The following HTR4 variants were observed in gnomAD, a reference collection of about 807,000 sequenced individuals.
HTR4 encodes the protein 5-hydroxytryptamine receptor 4.
Under a neutral mutation model 36.8 loss-of-function variants are expected in HTR4, and 16 were observed. The ratio of observed to expected loss-of-function variants is 0.43; its 90% CI spans 0.29 to 0.66. The LOEUF (loss-of-function observed/expected upper bound fraction) is 0.66, where lower values mean the gene tolerates loss of function less well. Ranked by LOEUF, HTR4 falls within the 30% of genes least tolerant of loss-of-function variation. The probability of loss-of-function intolerance (pLI) is 0.13; values close to 1 mark genes in which losing one functional copy is unlikely to be tolerated. For synonymous variants in HTR4, 189 were observed against 185.1 expected (o/e 1.02, Z -0.17); for missense variants, 438 against 490.9 (o/e 0.89, Z 1.02).
intron 2 of HTR4, among the ~76,000 whole-genome samples, chr5:148,633,323 A>C (rs959691561): frequency 2.0e-5 from 3 of 152,064 alleles, no homozygotes; most frequent in African/African-American, 7.2e-5. Flanking sequence ...ACTTTTCTTA[A>C]TTTTACCTTA....
intron 1 of HTR4, among the ~76,000 whole-genome samples, chr5:148,644,422 GTTTTTTTTTTTTTTT>G (rs1175588280): frequency 3.9e-4 from 16 of 40,620 alleles, no homozygotes; most frequent in African/African-American, 1.3e-3. Flanking sequence ...AAGCTCACAA[GTTTTTTTTTTTTTTT>G]TTTTTTTTTT....
At chr5:148,644,421 A>ATT (rs1753815914) in intron 1 of HTR4, among the ~76,000 whole-genome samples, 13 of 85,846 alleles carry the variant, frequency 1.5e-4, no homozygotes, top group African/African-American at 4.5e-4. Context: ...CAAGCTCACA[A>ATT]GTTTTTTTTT....
Position 148,481,780 on chromosome 5 carries a change from C to A in HTR4, c.*1423G>T. ...GCTCTGGGTTTGGCATTTACCTTCC[C>A]GGGACTTCTGCTATGGGGCATTCGC... On this transcript the variant is annotated 3_prime_UTR_variant, in exon 7 of 7. Transcript: ENST00000377888. The A allele has an allele frequency of 7.1e-7, 1 of 1,400,386 alleles. No homozygotes were observed. The highest frequency in any genetic ancestry group is 9.2e-7 in the Non-Finnish European group (1 of 1,085,508). 86.7% of individuals were successfully genotyped at this position (1,400,386 alleles called of 1,614,324 possible).
At chr5:148,597,335 A>G (rs1025060507) in intron 2 of HTR4, among the ~76,000 whole-genome samples, 2 of 152,214 alleles carry the variant, frequency 1.3e-5, no homozygotes, top group Non-Finnish European at 2.9e-5. Flanking sequence ...ATTCACATCT[A>G]CTACAGGCTC....
chr5:148,469,374 C>T (rs1018754197), intron 5 of HTR4, among the ~76,000 whole-genome samples: 2 of 152,202 alleles, frequency 1.3e-5, no homozygotes, highest in African/African-American at 4.8e-5. Context: ...AATCCTTGTG[C>T]ACACTGTGCT....
chr5:148,541,158 A>G (rs1026454843), intron 4 of HTR4, among the ~76,000 whole-genome samples: 1 of 152,178 alleles, frequency 6.6e-6, no homozygotes, highest in Non-Finnish European at 1.5e-5. Context: ...AACCTTTGTC[A>G]CTTCTCCAAG....
chr5:148,579,983 A>T (rs1472658186), intron 2 of HTR4, among the ~76,000 whole-genome samples: 1 of 151,924 alleles, frequency 6.6e-6, no homozygotes. Flanking sequence ...AAATTCCTTT[A>T]CATCAGTACC....
At chr5:148,497,460 GT>G (rs1331799725) in intron 6 of HTR4, among the ~76,000 whole-genome samples, 1 of 152,052 alleles carries the variant, frequency 6.6e-6, no homozygotes, top group Admixed American at 6.6e-5. Flanking sequence ...TCTTTTTCCA[GT>G]TTTTTTATAT....
chr5:148,611,196 G>A (rs1370340538), intron 2 of HTR4, among the ~76,000 whole-genome samples: 3 of 144,966 alleles, frequency 2.1e-5, no homozygotes, highest in Admixed American at 6.9e-5. Flanking sequence ...GATACTCCTC[G>A]AGAAGAGCAA....
intron 5 of HTR4, 75 bp from the exon 6 acceptor site, chr5:148,510,099 A>C: frequency 1.1e-6 from 1 of 920,026 alleles, no homozygotes; most frequent in South Asian, 1.8e-5. Flanking sequence ...AAGTGGGAAA[A>C]ATGGGGAAGA....
chr5:148,619,428 C>T (rs1487685285), intron 2 of HTR4, among the ~76,000 whole-genome samples: 1 of 151,880 alleles, frequency 6.6e-6, no homozygotes, highest in Non-Finnish European at 1.5e-5. Flanking sequence ...AAAGCAAAAT[C>T]TTTTTGAAAA....
At chr5:148,614,635 T>C (rs1752585787) in intron 2 of HTR4, among the ~76,000 whole-genome samples, 1 of 152,156 alleles carries the variant, frequency 6.6e-6, no homozygotes, top group Non-Finnish European at 1.5e-5. Context: ...GGACTTCATG[T>C]CTAAGACACC....
At chr5:148,587,712 A>G (rs1006996550) in intron 2 of HTR4, among the ~76,000 whole-genome samples, 3 of 152,150 alleles carry the variant, frequency 2.0e-5, no homozygotes, top group Non-Finnish European at 4.4e-5. Context: ...TGGGGATCCA[A>G]ACTGTGGGAG....
intron 5 of HTR4, among the ~76,000 whole-genome samples, chr5:148,469,046 A>G (rs1437705038): frequency 6.6e-6 from 1 of 152,152 alleles, no homozygotes; most frequent in Non-Finnish European, 1.5e-5. Context: ...TTTCCTTTAT[A>G]AATTACCCAG....
chr5:148,467,104 A>G (rs1755449097), intron 5 of HTR4, among the ~76,000 whole-genome samples: 1 of 152,240 alleles, frequency 6.6e-6, no homozygotes, highest in Non-Finnish European at 1.5e-5. Context: ...ATAAGGATCC[A>G]TTCACTCAAA....
intron 5 of HTR4, among the ~76,000 whole-genome samples, chr5:148,454,444 C>T (rs570340397): frequency 2.0e-5 from 3 of 152,242 alleles, no homozygotes; most frequent in Middle Eastern, 3.4e-3. Flanking sequence ...CCTCACTTTG[C>T]TCCTCTGCAT....
chr5:148,543,565 A>G (rs934328848), intron 4 of HTR4, among the ~76,000 whole-genome samples: 1 of 152,224 alleles, frequency 6.6e-6, no homozygotes. Context: ...TGCTTATTAC[A>G]TATGAAATCA....
chr5:148,472,067 G>A (rs553481293), downstream of HTR4, among the ~76,000 whole-genome samples: 6 of 152,212 alleles, frequency 3.9e-5, no homozygotes, highest in African/African-American at 1.4e-4. Flanking sequence ...TAGGTGTCTG[G>A]GTCTGCAAAC....
Position 148,510,000 on chromosome 5 carries a change from T to G in HTR4, c.532A>C (p.Asn178His). Residue 178 changes from asparagine (N) to histidine (H), a missense_variant, in exon 6 of 7, where the codon AAC becomes CAC. Physicochemically the swap from Asn to His is moderately conservative, Grantham distance 68. Transcript: ENST00000377888. ...AAGACACAGTACGTAGAGTTAGAGTTCTGGTTGAACTTCCTCTTTTCTATC... is the reference window on the plus strand; with the variant it reads ...AAGACACAGTACGTAGAGTTAGAGTGCTGGTTGAACTTCCTCTTTTCTATC... ...DLIEKRKFNQ[N>H]SNSTYCVFMV... The G allele has an allele frequency of 6.2e-7, 1 of 1,612,526 alleles. No individual in the cohort carries two copies. The highest frequency in any genetic ancestry group is 8.5e-7 in the Non-Finnish European group (1 of 1,179,218).
Sources: allele counts gnomAD v4.1 joint callset (sites outside exome capture counted in the v4.1 genomes callset), GRCh38; gene constraint gnomAD v4.1.1; transcripts MANE v1.5; gene names NCBI Gene and HGNC (gene_info 2026-07-23, HGNC 2026-07-21).